The following WNT9B variants were observed in gnomAD, a reference collection of about 807,000 sequenced individuals.
WNT9B encodes protein Wnt-9b.
WNT9B carries 12 observed loss-of-function variants against 30.2 expected under a neutral mutation model. That is an observed-to-expected ratio of 0.40 (90% confidence interval 0.26 to 0.64). The LOEUF (loss-of-function observed/expected upper bound fraction) is 0.64, where lower values mean the gene tolerates loss of function less well. Among genes scored for constraint, WNT9B ranks in the 30% least tolerant of loss-of-function variants. The pLI is 0.42. For missense variants in WNT9B, 442 were observed against 485.2 expected (o/e 0.91, Z 0.84); for synonymous variants, 218 against 216.9 (o/e 1.01, Z -0.05).
intron 1 of WNT9B, among the ~76,000 whole-genome samples, chr17:46,867,510 G>A (rs77320761): frequency 0.084 from 12,765 of 152,268 alleles, 800 homozygotes; most frequent in East Asian, 0.37. Context: ...AACAGCCTTG[G>A]GGCATGAGAT....
intron 1 of WNT9B, among the ~76,000 whole-genome samples, chr17:46,840,688 G>T (rs1194180712): frequency 6.6e-6 from 1 of 152,138 alleles, no homozygotes; most frequent in East Asian, 1.9e-4. Flanking sequence ...TTTAATGGTC[G>T]CCATTCTAAC....
At chr17:46,838,676 A>G (rs529196514) in intron 1 of WNT9B, among the ~76,000 whole-genome samples, 6 of 152,124 alleles carry the variant, frequency 3.9e-5, no homozygotes, top group Non-Finnish European at 8.8e-5. Flanking sequence ...TAAAAAGTAC[A>G]TATACACACA....
At position 46,876,687 on chromosome 17, in the gene WNT9B, A is replaced by G; in HGVS notation, c.1043A>G (p.Gln348Arg). ...CCYVECQQCV[Q>R]EELVYTCKH ...TACGTGGAGTGCCAGCAATGTGTGC[A>G]GGAGGAGCTTGTGTACACCTGCAAG... The change falls in exon 4 of 4, where the codon CAG (glutamine) becomes CGG (arginine). Residue 348 changes from glutamine (Q) to arginine (R), a missense_variant. Gln to Arg is a conservative substitution (Grantham distance 43, BLOSUM62 1). Coordinates refer to ENST00000290015, the MANE Select transcript of WNT9B (RefSeq NM_003396.3). 1 of 1,574,082 alleles carries G rather than the reference A, an allele frequency of 6.4e-7. No homozygotes were observed. Among genetic ancestry groups the G allele is most frequent in the Non-Finnish European group, 8.7e-7 (1 of 1,155,854 alleles).
intron 1 of WNT9B, among the ~76,000 whole-genome samples, chr17:46,864,696 C>G (rs920092593): frequency 9.2e-5 from 14 of 152,116 alleles, no homozygotes; most frequent in Non-Finnish European, 7.4e-5. Flanking sequence ...CCCTGATGTG[C>G]TGGGTCTGCA....
At chr17:46,870,937 G>T (rs2085233519) in intron 1 of WNT9B, among the ~76,000 whole-genome samples, 1 of 133,764 alleles carries the variant, frequency 7.5e-6, no homozygotes, top group Non-Finnish European at 1.5e-5. Flanking sequence ...TTGAGATAGG[G>T]TCTTGCTCTG....
At chr17:46,875,054 C>T in intron 2 of WNT9B, 47 bp from the exon 3 acceptor site, 20 of 1,613,234 alleles carry the variant, frequency 1.2e-5, no homozygotes, top group Non-Finnish European at 1.6e-5. Flanking sequence ...CTCCTTTCCT[C>T]TCTTCCCCCT....
Position 46,839,689 on chromosome 17 carries a change from C to G in WNT9B, c.95+6249C>G, listed in dbSNP as rs185726630. ...CAATGCTCTCCCTCCCCCAGTCCCC[C>G]CCGCCAAGAGGCCCCAGTGTGTGAT... On this transcript the variant is annotated intron_variant, in intron 1 of 2. Transcript: ENST00000575372. Among the ~76,000 whole-genome samples the G allele has an allele frequency of 3.4e-3, 522 of 152,292 alleles. 3 individuals carry two copies. Among genetic ancestry groups the G allele is most frequent in the African/African-American group, 0.012 (481 of 41,566 alleles).
At chr17:46,848,844 G>T (rs1419361173), upstream of WNT9B, among the ~76,000 whole-genome samples, 2 of 152,154 alleles carry the variant, frequency 1.3e-5, no homozygotes, top group Non-Finnish European at 2.9e-5. Context: ...TTTTTCATCT[G>T]TGCAATGGAG....
At chr17:46,869,868 G>A (rs921392733) in intron 1 of WNT9B, among the ~76,000 whole-genome samples, 6 of 151,888 alleles carry the variant, frequency 4.0e-5, no homozygotes, top group South Asian at 2.1e-4. Flanking sequence ...GGATGGTGGC[G>A]CACACCTGTA....
chr17:46,876,953 T>A lies in WNT9B; in HGVS notation c.*235T>A. On this transcript the variant is annotated 3_prime_UTR_variant, in exon 4 of 4. Transcript: ENST00000290015. ...TTAACCCAAGCATCCCCAACCTTGTTGAGGACTTGGAGAGGAGGGCAGAGT... is the reference window on the plus strand; with the variant it reads ...TTAACCCAAGCATCCCCAACCTTGTAGAGGACTTGGAGAGGAGGGCAGAGT... The A allele has an allele frequency of 7.6e-7, 1 of 1,312,110 alleles. No individual in the cohort carries two copies. The allele number at this position is 1,312,110 out of a possible 1,614,324, so 81.3% of individuals were successfully genotyped here.
At position 46,876,837 on chromosome 17, in the gene WNT9B, C is replaced by T; in HGVS notation, c.*119C>T. The T allele has an allele frequency of 7.0e-7, 1 of 1,435,260 alleles. No homozygotes were observed. Among genetic ancestry groups the T allele is most frequent in the African/African-American group, 1.4e-5 (1 of 69,616 alleles). The allele number at this position is 1,435,260 out of a possible 1,614,324, so 88.9% of individuals were successfully genotyped here. A position where few individuals can be genotyped will look rare whatever the true frequency, so the allele number is the denominator to read the frequency against. On this transcript the variant is annotated 3_prime_UTR_variant, in exon 4 of 4. Transcript: ENST00000290015. ...ATGCATGCATAAACCGGCATGTGTG[C>T]CAATGCACACGAGTGTGCCACTCAC...
At chr17:46,873,144 A>G (rs1363838813) in intron 2 of WNT9B, among the ~76,000 whole-genome samples, 1 of 151,606 alleles carries the variant, frequency 6.6e-6, no homozygotes, top group African/African-American at 2.4e-5. Flanking sequence ...GAAACAAGGC[A>G]CATGAAGACG....
At chr17:46,839,603 T>C (rs2084675438) in intron 1 of WNT9B, among the ~76,000 whole-genome samples, 1 of 152,238 alleles carries the variant, frequency 6.6e-6, no homozygotes, top group East Asian at 1.9e-4. Flanking sequence ...TACATAGGTA[T>C]ACATGTGCCA....
chr17:46,839,929 TTTC>T (rs1360062984), intron 1 of WNT9B, among the ~76,000 whole-genome samples: 1 of 126,894 alleles, frequency 7.9e-6, no homozygotes, highest in Non-Finnish European at 1.7e-5. Flanking sequence ...TCTTTCTTTC[TTTC>T]TTTCTTTCTT....
chr17:46,848,932 G>GCGCA (rs112645397), upstream of WNT9B, among the ~76,000 whole-genome samples: 4 of 146,180 alleles, frequency 2.7e-5, no homozygotes, highest in Non-Finnish European at 6.2e-5. Context: ...GTGTGCACGT[G>GCGCA]CACACACACA....
chr17:46,884,858 G>A (rs1347319404), downstream of WNT9B, among the ~76,000 whole-genome samples: 1 of 152,128 alleles, frequency 6.6e-6, no homozygotes, highest in Non-Finnish European at 1.5e-5. Context: ...GAGCTGGGGA[G>A]GACTATGGCC....
intron 1 of WNT9B, among the ~76,000 whole-genome samples, chr17:46,870,038 A>G (rs2085211981): frequency 6.6e-6 from 1 of 152,174 alleles, no homozygotes; most frequent in African/African-American, 2.4e-5. Context: ...CATATGACAT[A>G]TACTGTAGCT....
chr17:46,872,905 C>T lies in WNT9B; in HGVS notation c.334+132C>T, dbSNP rs560332664. Reference sequence around the variant, plus strand: ...CCACACTGCCCTTCCTGCCCTAGCACGGTCCCAAATGAGAAGAGTCACAAG... The same window carrying T: ...CCACACTGCCCTTCCTGCCCTAGCATGGTCCCAAATGAGAAGAGTCACAAG... On this transcript the variant is annotated intron_variant, in intron 2 of 3. Transcript: ENST00000290015. 2.0e-4 allele frequency: 223 copies of T among 1,138,002 alleles called. 1 individual carries two copies. The highest frequency in any genetic ancestry group is 6.3e-4 in the African/African-American group (40 of 63,668). The allele number at this position is 1,138,002 out of a possible 1,614,324, so 70.5% of individuals were successfully genotyped here. A position where few individuals can be genotyped will look rare whatever the true frequency, so the allele number is the denominator to read the frequency against.
In WNT9B at chr17:46,872,907, G is replaced by A. The variant is rs2085275708; in HGVS notation, c.334+134G>A. 9 of 1,122,226 alleles carry A rather than the reference G, an allele frequency of 8.0e-6. No individual in the cohort carries two copies. The South Asian group carries it at 1.4e-4, about 18-fold the overall frequency. 69.5% of individuals were successfully genotyped at this position (1,122,226 alleles called of 1,614,324 possible). A position where few individuals can be genotyped will look rare whatever the true frequency, so the allele number is the denominator to read the frequency against. ...ACACTGCCCTTCCTGCCCTAGCACG[G>A]TCCCAAATGAGAAGAGTCACAAGAG... On this transcript the variant is annotated intron_variant, in intron 2 of 3. Coordinates refer to ENST00000290015, the MANE Select transcript of WNT9B (RefSeq NM_003396.3).
Sources: gnomAD v4.1 joint callset for allele counts (sites outside exome capture counted in the v4.1 genomes callset) on GRCh38, gnomAD v4.1.1 for gene constraint, MANE v1.5 for transcripts, NCBI Gene and HGNC (gene_info 2026-07-23, HGNC 2026-07-21) for gene names.